The following BPIFB2 variants were observed in gnomAD, a reference collection of about 807,000 sequenced individuals.
BPIFB2 encodes the protein BPI fold containing family B member 2.
BPIFB2 carries 39 observed loss-of-function variants against 50.1 expected under a neutral mutation model. The observed-to-expected ratio is 0.78, with a 90% CI of 0.60 to 1.02. The LOEUF (loss-of-function observed/expected upper bound fraction) is 1.02. Among genes scored for constraint, BPIFB2 ranks in the 50% least tolerant of loss-of-function variants. BPIFB2 has a pLI of 0.00. For missense variants in BPIFB2, 574 were observed against 585.8 expected (o/e 0.98, Z 0.21); for synonymous variants, 280 against 256.3 (o/e 1.09, Z -0.88).
chr20:33,017,091 G>A lies in BPIFB2; in HGVS notation c.566G>A (p.Gly189Asp). ...NLVQGVNVHLGTLIGLNPVGP... is the reference protein window; with the variant it reads ...NLVQGVNVHLDTLIGLNPVGP... ...GTGCAGGGTGTCAATGTCCACCTGG[G>A]CACCTTAATTGGTAAGATCTGGGAG... The change falls in exon 7 of 16, where the codon GGC (glycine) becomes GAC (aspartate). Residue 189 changes from glycine (G) to aspartate (D), a missense_variant. Physicochemically the swap from Gly to Asp is moderately conservative, Grantham distance 94 (BLOSUM62 -1). Coordinates refer to ENST00000170150, the MANE Select transcript of BPIFB2 (RefSeq NM_025227.3). The A allele has an allele frequency of 6.2e-7, 1 of 1,614,028 alleles. No homozygotes were observed. Among genetic ancestry groups the A allele is most frequent in the Non-Finnish European group, 8.5e-7 (1 of 1,179,982 alleles).
Position 33,018,266 on chromosome 20 carries a change from C to T in BPIFB2, c.585C>T (p.Asn195=). ...TACCCTGGTTTCATGAAGGCCTCAACCCCGTGGGTCCTGAGTCCCAGATCC... is the reference window on the plus strand; with the variant it reads ...TACCCTGGTTTCATGAAGGCCTCAATCCCGTGGGTCCTGAGTCCCAGATCC... ...NVHLGTLIGL[N]PVGPESQIRY... is the part of the protein sequence containing the mutation. The change falls in exon 8 of 16, where the codon AAC becomes AAT. Residue 195 remains asparagine (N), a synonymous_variant. Coordinates refer to ENST00000170150, the MANE Select transcript of BPIFB2 (RefSeq NM_025227.3). The T allele has an allele frequency of 6.2e-7, 1 of 1,612,834 alleles. No individual in the cohort carries two copies. The highest frequency in any genetic ancestry group is 2.2e-5 in the East Asian group (1 of 44,868).
In BPIFB2 at chr20:33,015,433, C is replaced by T. The variant is rs924253374; in HGVS notation, c.456-3C>T. 1.2e-6 allele frequency: 2 copies of T among 1,612,572 alleles called. No homozygotes were observed. The highest frequency in any genetic ancestry group is 1.7e-6 in the Non-Finnish European group (2 of 1,179,352). Reference sequence around the variant, plus strand: ...AGGAACTCTTTCTGTGTTTCTCCCTCAGCACCTCCCACGCGCTGCTGGTCC... The same window carrying T: ...AGGAACTCTTTCTGTGTTTCTCCCTTAGCACCTCCCACGCGCTGCTGGTCC... On this transcript the variant is annotated splice_polypyrimidine_tract_variant and splice_region_variant and intron_variant, in intron 5 of 15. Transcript: ENST00000170150.
At chr20:33,020,729 G>A (rs1978633013) in intron 13 of BPIFB2, 142 bp downstream of exon 13, 1 of 956,482 alleles carries the variant, frequency 1.0e-6, no homozygotes, top group African/African-American at 1.7e-5. Flanking sequence ...GCTGCTTGGG[G>A]ACAGTGGCCA....
rs1228377637 is a variant in BPIFB2 at position 33,018,738 on chromosome 20, G to T, written c.771G>T (p.Val257=). The stretch of plus-strand genomic sequence containing the variant: ...GTACCGAGGGCTCCATGGCCACCGT[G>T]GGCCTCTCCCAGCAGCTGTTTGACT... ...HVGTEGSMAT[V]GLSQQLFDSA... The change falls in exon 9 of 16, where the codon GTG becomes GTT. Residue 257 remains valine (V), a synonymous_variant. Transcript: ENST00000170150. The T allele has an allele frequency of 1.2e-6, 2 of 1,614,216 alleles. No individual in the cohort carries two copies. Among genetic ancestry groups the T allele is most frequent in the South Asian group, 1.1e-5 (1 of 91,080 alleles).
At position 33,021,362 on chromosome 20, in the gene BPIFB2, C is replaced by G. The variant is rs773797379; in HGVS notation, c.1258+18C>G. ...TCTCAATGGTAAGCCCTGCCCTCCA[C>G]CCCAGCAGGGCCCCTCTGGCCCCCT... On this transcript the variant is annotated intron_variant, in intron 14 of 15. Coordinates refer to ENST00000170150, the MANE Select transcript of BPIFB2 (RefSeq NM_025227.3). The G allele has an allele frequency of 1.2e-6, 2 of 1,605,490 alleles. No individual in the cohort carries two copies. Among genetic ancestry groups the G allele is most frequent in the Non-Finnish European group, 1.7e-6 (2 of 1,175,584 alleles).
chr20:33,023,226 C>G, intron 15 of BPIFB2, 116 bp from the exon 16 acceptor site: 1 of 1,047,368 alleles, frequency 9.5e-7, no homozygotes, highest in South Asian at 1.4e-5. Flanking sequence ...GCAAAGGACT[C>G]TCCTCACAAC....
chr20:33,019,467 G>T, intron 10 of BPIFB2, 113 bp from the exon 11 acceptor site: 2 of 1,240,258 alleles, frequency 1.6e-6, no homozygotes, highest in Non-Finnish European at 2.2e-6. Context: ...ACCCACCTCT[G>T]TGCCCAGTCA....
rs879474116 is a variant in BPIFB2, at chr20:33,019,211, A to G, written c.909+96A>G. Reference sequence around the variant, plus strand: ...ATCTCTGCTGGCTCTTATCTGTCCCAAGTGAAGTTCAGCATCTGTCCTTAA... The same window carrying G: ...ATCTCTGCTGGCTCTTATCTGTCCCGAGTGAAGTTCAGCATCTGTCCTTAA... On this transcript the variant is annotated intron_variant, in intron 10 of 15. Coordinates refer to ENST00000170150, the MANE Select transcript of BPIFB2 (RefSeq NM_025227.3). 4.7e-6 allele frequency: 7 copies of G among 1,487,120 alleles called. No individual in the cohort carries two copies. The Admixed American group carries it at 8.5e-5, about 18-fold the overall frequency. 92.1% of individuals were successfully genotyped at this position (1,487,120 alleles called of 1,614,324 possible).
In BPIFB2 at chr20:33,018,728, T is replaced by C. The variant is rs1238234546; in HGVS notation, c.761T>C (p.Met254Thr). ...AGGCATGTGGGTACCGAGGGCTCCATGGCCACCGTGGGCCTCTCCCAGCAG... is the reference window on the plus strand; with the variant it reads ...AGGCATGTGGGTACCGAGGGCTCCACGGCCACCGTGGGCCTCTCCCAGCAG... ...LPRHVGTEGS[M>T]ATVGLSQQLF... Residue 254 changes from methionine to threonine, a missense_variant, in exon 9 of 16, where the codon ATG becomes ACG. Transcript: ENST00000170150. 1 of 1,614,220 alleles carries C rather than the reference T, an allele frequency of 6.2e-7. No homozygotes were observed.
intron 3 of BPIFB2, 111 bp downstream of exon 3, chr20:33,011,228 A>G (rs1990283725): frequency 9.7e-7 from 1 of 1,029,386 alleles, no homozygotes; most frequent in South Asian, 1.4e-5. Context: ...TGCTGGGCAG[A>G]TGCTCCTATC....
chr20:33,022,853 C>A lies in BPIFB2; in HGVS notation c.1336-489C>A, dbSNP rs569131963. On this transcript the variant is annotated intron_variant, in intron 15 of 15. Coordinates refer to ENST00000170150, the MANE Select transcript of BPIFB2 (RefSeq NM_025227.3). Reference sequence around the variant, plus strand: ...GCTACGAGCTACACTGGGGCAGGAACTGGGTCTGGCTTGTTCTCTGCTGGC... The same window carrying A: ...GCTACGAGCTACACTGGGGCAGGAAATGGGTCTGGCTTGTTCTCTGCTGGC... Among the ~76,000 whole-genome samples the A allele has an allele frequency of 9.9e-4, 151 of 152,222 alleles. 1 individual carries two copies. Among genetic ancestry groups the A allele is most frequent in the Non-Finnish European group, 1.8e-3 (123 of 68,038 alleles).
At chr20:33,021,382 C>A in intron 14 of BPIFB2, 38 bp downstream of exon 14, 1 of 1,578,714 alleles carries the variant, frequency 6.3e-7, no homozygotes, top group Non-Finnish European at 8.6e-7. Flanking sequence ...GCCCCTCTGG[C>A]CCCCTCCATA....
In BPIFB2 at chr20:33,018,301, T is replaced by TG; in HGVS notation, c.622dup (p.Val208GlyfsTer9). 1 of 1,614,128 alleles carries TG rather than the reference T, an allele frequency of 6.2e-7. No homozygotes were observed. Among genetic ancestry groups the TG allele is most frequent in the Non-Finnish European group, 8.5e-7 (1 of 1,179,992 alleles). On this transcript the variant is annotated frameshift_variant, in exon 8 of 16. Transcript: ENST00000170150. LOFTEE classifies it high-confidence loss of function. ...CCTGAGTCCCAGATCCGCTATTCCA[T>TG]GGTCAGTGTGCCCACTGTCACCAGT...
At chr20:33,017,852 T>G (rs1418081413) in intron 7 of BPIFB2, among the ~76,000 whole-genome samples, 1 of 152,232 alleles carries the variant, frequency 6.6e-6, no homozygotes, top group Non-Finnish European at 1.5e-5. Flanking sequence ...GAGGATTGAA[T>G]GAGATGCTGT....
rs980533143 is a variant in BPIFB2, at chr20:33,009,411, C to T, written c.109+728C>T. Among the ~76,000 whole-genome samples, 7 of 152,178 alleles carry T rather than the reference C, an allele frequency of 4.6e-5. No individual in the cohort carries two copies. The highest frequency in any genetic ancestry group is 3.9e-4 in the East Asian group (2 of 5,186). ...TGTTTATTCACCTCGAGTTGCCTCCCGGTGAGAATTTGGTTTCCCACCAAA... is the reference window on the plus strand; with the variant it reads ...TGTTTATTCACCTCGAGTTGCCTCCTGGTGAGAATTTGGTTTCCCACCAAA... On this transcript the variant is annotated intron_variant, in intron 2 of 15. Transcript: ENST00000170150. The surrounding 1 kb of genome is among the most constrained non-coding windows in gnomAD (Gnocchi z 4.2).
rs1209337163 is a variant in BPIFB2, at chr20:33,013,932, C to T, written c.431C>T (p.Ala144Val). 6.2e-7 allele frequency: 1 copy of T among 1,613,626 alleles called. No individual in the cohort carries two copies. Among genetic ancestry groups the T allele is most frequent in the African/African-American group, 1.3e-5 (1 of 74,926 alleles). ...GCCTGCTCTTTATTCTCGGGCCACG[C>T]CAACGAGTTTGATGGCAGTAACAGG... Reference protein sequence around the residue: ...ISACSLFSGHANEFDGSNSTS... With the variant: ...ISACSLFSGHVNEFDGSNSTS... The change falls in exon 5 of 16, where the codon GCC becomes GTC. Residue 144 changes from alanine to valine, a missense_variant. Physicochemically the swap from Ala to Val is moderately conservative, Grantham distance 64. Transcript: ENST00000170150.
intron 5 of BPIFB2, 114 bp downstream of exon 5, chr20:33,014,070 C>A: frequency 7.3e-7 from 1 of 1,367,126 alleles, no homozygotes; most frequent in Non-Finnish European, 9.8e-7. Flanking sequence ...CCTCAGGGGC[C>A]CCCATTATTG....
At chr20:33,019,530 G>C in intron 10 of BPIFB2, 50 bp from the exon 11 acceptor site, 1 of 1,519,552 alleles carries the variant, frequency 6.6e-7, no homozygotes, top group Non-Finnish European at 8.8e-7. Context: ...TGACCAGAGA[G>C]CCCGCCAGCC....
intron 4 of BPIFB2, 99 bp from the exon 5 acceptor site, chr20:33,013,706 AAGTGG>A: frequency 6.8e-7 from 1 of 1,477,884 alleles, no homozygotes. Flanking sequence ...TGCCTGGGCC[AAGTGG>A]AGGGCAGGCA....
Sources: gnomAD v4.1 joint callset for allele counts (sites outside exome capture counted in the v4.1 genomes callset) on GRCh38, gnomAD v4.1.1 for gene constraint, Gnocchi (gnomAD v3.1) non-coding constraint, MANE v1.5 for transcripts, NCBI Gene and HGNC (gene_info 2026-07-23, HGNC 2026-07-21) for gene names.